The following ABRACL variants were observed in gnomAD, a reference collection of about 807,000 sequenced individuals.
ABRACL encodes the protein costars family protein ABRACL.
A neutral mutation model predicts 7.0 loss-of-function variants in ABRACL; 4 were observed. The observed-to-expected ratio is 0.57, with a 90% CI of 0.28 to 1.30. ABRACL has a LOEUF of 1.30. ABRACL is among the 50% of genes most tolerant of loss of function. ABRACL has a pLI of 0.10. For synonymous variants in ABRACL, 30 were observed against 36.0 expected, an observed-to-expected ratio of 0.83 and a Z score of 0.60; for missense variants, 104 against 97.3, an observed-to-expected ratio of 1.07 and a Z score of -0.29.
Position 139,033,962 on chromosome 6 carries a change from G to A in ABRACL, c.-6-193G>A, listed in dbSNP as rs371427163. On this transcript the variant is annotated intron_variant, in intron 1 of 2. Coordinates refer to ENST00000367660, the MANE Select transcript of ABRACL (RefSeq NM_021243.3). ...AGAATAGGAGTGCAGGGAGCTGAGG[G>A]GGCGGTTACAAAGGTAGAGGGAAAA... is the stretch of plus-strand genomic sequence containing the variant. 1.2e-4 allele frequency among the ~76,000 whole-genome samples: 15 copies of A among 125,364 alleles called. No homozygotes were observed. The South Asian group carries it at 3.2e-3, about 27-fold the overall frequency. 82.2% of individuals were successfully genotyped at this position (125,364 alleles called of 152,430 possible).
rs546291514 is a variant in ABRACL, at chr6:139,031,170, T to A, written c.-7+2295T>A. The stretch of plus-strand genomic sequence containing the variant: ...AGTTCCTTAATTTCTTTGGACATTT[T>A]CATTCTCCCTCTGTCCAGTACAGGC... On this transcript the variant is annotated intron_variant, in intron 1 of 2. Transcript: ENST00000367660. Among the ~76,000 whole-genome samples the A allele has an allele frequency of 1.2e-4, 18 of 152,304 alleles. No individual in the cohort carries two copies. In the South Asian group the frequency reaches 3.1e-3, roughly 26 times the overall value.
chr6:139,034,450 A>C, intron 2 of ABRACL: 3 of 1,457,144 alleles, frequency 2.1e-6, no homozygotes, highest in South Asian at 1.4e-5. Flanking sequence ...GAGATATTTC[A>C]TTATTTTTCG....
chr6:139,037,967 GT>G (rs1426245412), intron 2 of ABRACL, among the ~76,000 whole-genome samples: 1 of 151,798 alleles, frequency 6.6e-6, no homozygotes, highest in Non-Finnish European at 1.5e-5. Flanking sequence ...ACTAGAGACA[GT>G]TTTTCGCCAT....
chr6:139,036,099 G>C (rs1356163820), intron 2 of ABRACL, among the ~76,000 whole-genome samples: 1 of 151,572 alleles, frequency 6.6e-6, no homozygotes, highest in East Asian at 2.0e-4. Context: ...GCAAGACTTT[G>C]TCTCAACAAA....
At chr6:139,036,315 C>T (rs941170962) in intron 2 of ABRACL, among the ~76,000 whole-genome samples, 3 of 152,000 alleles carry the variant, frequency 2.0e-5, no homozygotes, top group African/African-American at 4.8e-5. Flanking sequence ...ACCTTCCTGT[C>T]GTAGGGTCCT....
At chr6:139,041,531 A>ATTTTTTCTT (rs1786253385) in intron 2 of ABRACL, among the ~76,000 whole-genome samples, 1 of 126,038 alleles carries the variant, frequency 7.9e-6, no homozygotes, top group African/African-American at 3.1e-5. Flanking sequence ...ATATATATAT[A>ATTTTTTCTT]TTTTTTTTTA....
In ABRACL at chr6:139,034,210, T is replaced by C. The variant is rs374096763; in HGVS notation, c.50T>C (p.Leu17Ser). The change falls in exon 2 of 3, where the codon TTG becomes TCG. Residue 17 changes from leucine (L) to serine (S), a missense_variant. Coordinates refer to ENST00000367660, the MANE Select transcript of ABRACL (RefSeq NM_021243.3). ...VNLLVEEIHR[L>S]GSKNADGKLS... Reference sequence around the variant, plus strand: ...CTCTTAGTGGAGGAAATTCATCGTTTGGGTTCAAAAAGTAAGTATCTGACA... The same window carrying C: ...CTCTTAGTGGAGGAAATTCATCGTTCGGGTTCAAAAAGTAAGTATCTGACA... The C allele has an allele frequency of 4.3e-6, 7 of 1,614,072 alleles. No individual in the cohort carries two copies. In the African/African-American group the frequency reaches 9.3e-5, roughly 22 times the overall value.
chr6:139,032,914 A>C (rs1786103441), intron 1 of ABRACL, among the ~76,000 whole-genome samples: 1 of 152,226 alleles, frequency 6.6e-6, no homozygotes, highest in East Asian at 1.9e-4. Flanking sequence ...TGAGCATTAT[A>C]GTCAGATCCC....
In ABRACL at chr6:139,030,588, A is replaced by G. The variant is rs1274684881; in HGVS notation, c.-7+1713A>G. 2.0e-5 allele frequency among the ~76,000 whole-genome samples: 3 copies of G among 152,176 alleles called. No individual in the cohort carries two copies. The East Asian group carries it at 5.8e-4, about 29-fold the overall frequency. Reference sequence around the variant, plus strand: ...AAACGTCAAATTATGTATGCTAGCAATTGTTTTTAAACCTGTTATTTTCCT... The same window carrying G: ...AAACGTCAAATTATGTATGCTAGCAGTTGTTTTTAAACCTGTTATTTTCCT... On this transcript the variant is annotated intron_variant, in intron 1 of 2. Transcript: ENST00000367660.
intron 2 of ABRACL, among the ~76,000 whole-genome samples, chr6:139,037,325 T>A (rs1786176498): frequency 6.6e-6 from 1 of 152,178 alleles, no homozygotes; most frequent in Non-Finnish European, 1.5e-5. Flanking sequence ...AGTGGCACCA[T>A]CTTGGCTCAC....
chr6:139,029,102 C>T (rs941580171), intron 1 of ABRACL, among the ~76,000 whole-genome samples: 89 of 152,300 alleles, frequency 5.8e-4, no homozygotes, highest in African/African-American at 1.9e-3. Flanking sequence ...CTTCCGCACT[C>T]GGCTCACGTG....
At chr6:139,032,604 T>A (rs899667468) in intron 1 of ABRACL, among the ~76,000 whole-genome samples, 2 of 152,202 alleles carry the variant, frequency 1.3e-5, no homozygotes, top group Non-Finnish European at 2.9e-5. Flanking sequence ...TAGGTGTCAC[T>A]CTTGTTTTTA....
chr6:139,037,621 C>G (rs1270247188), intron 2 of ABRACL, among the ~76,000 whole-genome samples: 1 of 152,046 alleles, frequency 6.6e-6, no homozygotes, highest in African/African-American at 2.4e-5. Flanking sequence ...AATTTTTCTC[C>G]CACGCATTTC....
intron 1 of ABRACL, among the ~76,000 whole-genome samples, chr6:139,033,627 T>C (rs1435207129): frequency 6.6e-6 from 1 of 152,168 alleles, no homozygotes; most frequent in Non-Finnish European, 1.5e-5. Context: ...ACCCCACCAG[T>C]CTGGCTGGAC....
chr6:139,039,622 C>T (rs1232744984), intron 2 of ABRACL, among the ~76,000 whole-genome samples: 6 of 152,106 alleles, frequency 3.9e-5, no homozygotes, highest in East Asian at 1.9e-4. Context: ...CGGCTGAACA[C>T]GGGCACTGTT....
chr6:139,034,478 A>G, intron 2 of ABRACL: 1 of 1,401,218 alleles, frequency 7.1e-7, no homozygotes, highest in Non-Finnish European at 9.4e-7. Flanking sequence ...GCAAATTACC[A>G]AGCTTCTTGT....
intron 2 of ABRACL, among the ~76,000 whole-genome samples, chr6:139,034,947 G>A (rs1332686001): frequency 1.3e-5 from 2 of 152,050 alleles, no homozygotes; most frequent in Non-Finnish European, 2.9e-5. Flanking sequence ...GAATTTGGGG[G>A]GCATTTTGAA....
chr6:139,031,561 A>G (rs1361881933), intron 1 of ABRACL, among the ~76,000 whole-genome samples: 1 of 152,220 alleles, frequency 6.6e-6, no homozygotes, highest in African/African-American at 2.4e-5. Flanking sequence ...AGGGTCATAT[A>G]TAGGCTCAGT....
chr6:139,034,009 T>C, intron 1 of ABRACL, 146 bp from the exon 2 acceptor site: 1 of 1,072,080 alleles, frequency 9.3e-7, no homozygotes, highest in Non-Finnish European at 1.3e-6. Flanking sequence ...CAGTGCCACA[T>C]GCATCACACA....
Sources: allele counts gnomAD v4.1 joint callset (sites outside exome capture counted in the v4.1 genomes callset), GRCh38; gene constraint gnomAD v4.1.1; transcripts MANE v1.5; gene names NCBI Gene and HGNC (gene_info 2026-07-23, HGNC 2026-07-21).